Variants in IGSF3 observed in about 807,000 individuals in gnomAD.
The protein encoded by IGSF3 is glu-Trp-Ile EWI motif-containing protein 3.
IGSF3 carries 23 observed loss-of-function variants against 114.4 expected under a neutral mutation model. The observed-to-expected ratio is 0.20, with a 90% CI of 0.14 to 0.28. The LOEUF is 0.28. IGSF3 is among the 10% of genes least tolerant of loss of function. The pLI is 1.00. For synonymous variants in IGSF3, 571 were observed against 645.2 expected (o/e 0.88, Z 1.74); for missense variants, 1,172 against 1,591.5 (o/e 0.74, Z 4.48).
Position 116,579,721 on chromosome 1 carries a change from C to T in IGSF3, c.3005G>A (p.Ser1002Asn). 1 of 1,614,014 alleles carries T rather than the reference C, an allele frequency of 6.2e-7. No individual in the cohort carries two copies. The highest frequency in any genetic ancestry group is 8.5e-7 in the Non-Finnish European group (1 of 1,180,008). The change falls in exon 10 of 11, where the codon AGC (serine) becomes AAC (asparagine). Residue 1002 changes from serine (S) to asparagine (N), a missense_variant. Coordinates refer to ENST00000369486, the MANE Select transcript of IGSF3 (RefSeq NM_001007237.3). The surrounding 1 kb of genome is among the most constrained non-coding windows in gnomAD (Gnocchi z 6.4). Reference protein sequence around the residue: ...SLRTKAGGKRSSPGLEEQEEE... With the variant: ...SLRTKAGGKRNSPGLEEQEEE... ...TTCCTGTTCTTCCAGGCCAGGGCTG[C>T]TCCTTTTCCCCCCAGCTTTAGTCCT...
chr1:116,646,906 A>G (rs967935541), intron 2 of IGSF3: 1 of 152,322 alleles, frequency 6.6e-6, no homozygotes, highest in African/African-American at 2.4e-5. Flanking sequence ...GTACTCTGCC[A>G]GCACCGCACA....
At chr1:116,643,783 G>A (rs1648218026) in intron 2 of IGSF3, among the ~76,000 whole-genome samples, 1 of 152,228 alleles carries the variant, frequency 6.6e-6, no homozygotes, top group South Asian at 2.1e-4. Context: ...AGGGATCATT[G>A]TTTCTATTCT....
chr1:116,582,391 G>T lies in IGSF3; in HGVS notation c.2848+2254C>A, dbSNP rs1412848192. Among the ~76,000 whole-genome samples the T allele has an allele frequency of 2.0e-5, 3 of 152,150 alleles. No homozygotes were observed. Among genetic ancestry groups the T allele is most frequent in the Non-Finnish European group, 2.9e-5 (2 of 68,038 alleles). On this transcript the variant is annotated intron_variant, in intron 9 of 10. Transcript: ENST00000369486. The surrounding 1 kb of genome is among the most constrained non-coding windows in gnomAD (Gnocchi z 4.7). The stretch of plus-strand genomic sequence containing the variant: ...TTCCTGGCCTGTGTGTGATGATTGT[G>T]GTTTTCTCCCTTCCCCAGTTGTGTG...
chr1:116,653,842 G>A (rs1648738810), intron 2 of IGSF3, among the ~76,000 whole-genome samples: 1 of 152,232 alleles, frequency 6.6e-6, no homozygotes, highest in African/African-American at 2.4e-5. Context: ...CCGAAACGCA[G>A]AACTGGAACC....
rs1659818474 is a variant in IGSF3, at chr1:116,585,774, T to C, written c.2441-722A>G. Among the ~76,000 whole-genome samples the C allele has an allele frequency of 6.6e-6, 1 of 151,854 alleles. No individual in the cohort carries two copies. The highest frequency in any genetic ancestry group is 2.4e-5 in the African/African-American group (1 of 41,324). On this transcript the variant is annotated intron_variant, in intron 8 of 10. Coordinates refer to ENST00000369486, the MANE Select transcript of IGSF3 (RefSeq NM_001007237.3). This position sits in a 1 kb window ranked among gnomAD's most constrained non-coding sequence, Gnocchi z 4.9. ...CCATCTCTACTAAAAATACAAAAAT[T>C]AGCCAGGTGTGGTGGTGTGCGCCTG...
intron 7 of IGSF3, among the ~76,000 whole-genome samples, chr1:116,597,128 C>T (rs1235558642): frequency 2.0e-5 from 3 of 152,190 alleles, no homozygotes; most frequent in African/African-American, 7.2e-5. Flanking sequence ...ATCCCAACTT[C>T]CCCCATTCAC....
At position 116,607,866 on chromosome 1, in the gene IGSF3, G is replaced by A. The variant is rs111304243; in HGVS notation, c.1222+76C>T. 35 of 1,422,124 alleles carry A rather than the reference G, an allele frequency of 2.5e-5. No homozygotes were observed. Among genetic ancestry groups the A allele is most frequent in the East Asian group, 9.1e-5 (4 of 43,724 alleles). 88.1% of individuals were successfully genotyped at this position (1,422,124 alleles called of 1,614,324 possible). On this transcript the variant is annotated intron_variant, in intron 5 of 10. Transcript: ENST00000369486. The surrounding 1 kb of genome is among the most constrained non-coding windows in gnomAD (Gnocchi z 6.1). Reference sequence around the variant, plus strand: ...ATCTGCCTCCCCTCACCTTCACCACGCTATTCTCTCTCCCCCTACCTCTCC... The same window carrying A: ...ATCTGCCTCCCCTCACCTTCACCACACTATTCTCTCTCCCCCTACCTCTCC...
chr1:116,621,129 C>A (rs1661403669), intron 2 of IGSF3, among the ~76,000 whole-genome samples: 1 of 151,906 alleles, frequency 6.6e-6, no homozygotes. Flanking sequence ...TGGCACCTCC[C>A]CCCTCTCTCT....
rs1401913105 is a variant in IGSF3, at chr1:116,606,611, G to A, written c.1222+1331C>T. 1.2e-5 allele frequency: 9 copies of A among 740,818 alleles called. No individual in the cohort carries two copies. In the Admixed American group the frequency reaches 1.2e-4, roughly 10 times the overall value. The allele number at this position is 740,818 out of a possible 1,614,324, so 45.9% of individuals were successfully genotyped here. ...AACAAGTTCTCAGAAGGGGTTGGGG[G>A]AAATCTTAGTACAAAAAATATAGGA... On this transcript the variant is annotated intron_variant, in intron 5 of 10. Coordinates refer to ENST00000369486, the MANE Select transcript of IGSF3 (RefSeq NM_001007237.3).
In IGSF3 at chr1:116,666,429, G is replaced by T; in HGVS notation, c.-103C>A. 9.4e-7 allele frequency: 1 copy of T among 1,068,276 alleles called. No homozygotes were observed. The highest frequency in any genetic ancestry group is 1.5e-6 in the Non-Finnish European group (1 of 687,918). 66.2% of individuals were successfully genotyped at this position (1,068,276 alleles called of 1,614,324 possible). A position where few individuals can be genotyped will look rare whatever the true frequency, so the allele number is the denominator to read the frequency against. ...CTTATAGCTCCAGAGAACAGTTTTG[G>T]AAATAGAACTTAACTCGGAAAATGG... On this transcript the variant is annotated 5_prime_UTR_variant, in exon 2 of 11. Transcript: ENST00000369486.
At chr1:116,660,480 T>A (rs1401081868) in intron 2 of IGSF3, among the ~76,000 whole-genome samples, 1 of 70,580 alleles carries the variant, frequency 1.4e-5, no homozygotes, top group Admixed American at 1.4e-4. Flanking sequence ...TATGCTTTTC[T>A]TTTTTTTTTT....
chr1:116,622,007 T>C (rs905951465), intron 2 of IGSF3, among the ~76,000 whole-genome samples: 2 of 152,200 alleles, frequency 1.3e-5, no homozygotes, highest in Non-Finnish European at 2.9e-5. Context: ...AGCCAGCTTC[T>C]CATGCAATTT....
In IGSF3 at chr1:116,579,440, G is replaced by GC; in HGVS notation, c.3285dup (p.Leu1096AlafsTer64). 6.2e-7 allele frequency: 1 copy of GC among 1,608,584 alleles called. No individual in the cohort carries two copies. The highest frequency in any genetic ancestry group is 8.5e-7 in the Non-Finnish European group (1 of 1,176,822). On this transcript the variant is annotated frameshift_variant, in exon 10 of 11. Coordinates refer to ENST00000369486, the MANE Select transcript of IGSF3 (RefSeq NM_001007237.3). LOFTEE classifies it high-confidence loss of function. The surrounding 1 kb of genome is among the most constrained non-coding windows in gnomAD (Gnocchi z 6.4). ...ATGGGGGCTGACTCCTCCTCCGTCAGCCGGTACCATTCCTTCTGAGGGCTG... is the reference window on the plus strand; with the variant it reads ...ATGGGGGCTGACTCCTCCTCCGTCAGCCCGGTACCATTCCTTCTGAGGGCTG...
chr1:116,584,057 C>T lies in IGSF3; in HGVS notation c.2848+588G>A, dbSNP rs72999968. Among the ~76,000 whole-genome samples the T allele has an allele frequency of 0.046, 6,970 of 152,092 alleles. 518 individuals are homozygous for T. Among genetic ancestry groups the T allele is most frequent in the African/African-American group, 0.16 (6,585 of 41,386 alleles). On this transcript the variant is annotated intron_variant, in intron 9 of 10. Transcript: ENST00000369486. This position sits in a 1 kb window ranked among gnomAD's most constrained non-coding sequence, Gnocchi z 5.8. ...TACACAAATTAGCCGGGTGTGGTGG[C>T]ATGAGCCTGTAGTCCCAGCTACTTG...
intron 9 of IGSF3, among the ~76,000 whole-genome samples, chr1:116,580,763 T>C (rs1659569504): frequency 6.6e-6 from 1 of 152,204 alleles, no homozygotes; most frequent in African/African-American, 2.4e-5. Context: ...CTAAGATAAC[T>C]AGTGTCCTTA....
intron 2 of IGSF3, among the ~76,000 whole-genome samples, chr1:116,623,626 C>T (rs1369331177): frequency 6.6e-6 from 1 of 151,850 alleles, no homozygotes; most frequent in Admixed American, 6.6e-5. Flanking sequence ...AAGCCGAGAT[C>T]GCACCACTGC....
In IGSF3 at chr1:116,600,872, G is replaced by C. The variant is rs868298263; in HGVS notation, c.1625-527C>G. 2.0e-5 allele frequency among the ~76,000 whole-genome samples: 3 copies of C among 152,218 alleles called. No individual in the cohort carries two copies. The highest frequency in any genetic ancestry group is 4.2e-4 in the South Asian group (2 of 4,818). On this transcript the variant is annotated intron_variant, in intron 6 of 10. Transcript: ENST00000369486. The surrounding 1 kb of genome is among the most constrained non-coding windows in gnomAD (Gnocchi z 5.5). ...ACGTCCCTCATGAAATCCAAAAACA[G>C]AGCAGGTGGGGACCTCCAGTGGGGT...
At chr1:116,611,415 C>T (rs1365847770) in intron 4 of IGSF3, among the ~76,000 whole-genome samples, 1 of 152,190 alleles carries the variant, frequency 6.6e-6, no homozygotes, top group African/African-American at 2.4e-5. Flanking sequence ...CACCAACACA[C>T]ACCCATGTCT....
rs1400019843 is a variant in IGSF3 at position 116,629,757 on chromosome 1, C to A, written c.44-13300G>T. 6.6e-6 allele frequency among the ~76,000 whole-genome samples: 1 copy of A among 152,170 alleles called. No individual in the cohort carries two copies. On this transcript the variant is annotated intron_variant, in intron 2 of 10. Transcript: ENST00000369486. This position sits in a 1 kb window ranked among gnomAD's most constrained non-coding sequence, Gnocchi z 4.3. ...CAAGGGCCTGGTTGAACAGGTTTGACCTCATTTACTTTTTCTTAAAGCTGT... is the reference window on the plus strand; with the variant it reads ...CAAGGGCCTGGTTGAACAGGTTTGAACTCATTTACTTTTTCTTAAAGCTGT...
Sources: allele counts gnomAD v4.1 joint callset (sites outside exome capture counted in the v4.1 genomes callset), GRCh38; gene constraint gnomAD v4.1.1; non-coding constraint Gnocchi (gnomAD v3.1); transcripts MANE v1.5; gene names NCBI Gene and HGNC (gene_info 2026-07-23, HGNC 2026-07-21).